The following ADGRB3 variants were observed in gnomAD, a reference collection of about 807,000 sequenced individuals.
ADGRB3 encodes brain-specific angiogenesis inhibitor 3.
ADGRB3 carries 37 observed loss-of-function variants against 193.4 expected under a neutral mutation model. That is an observed-to-expected ratio of 0.19 (90% CI 0.15 to 0.25). The LOEUF (loss-of-function observed/expected upper bound fraction) is 0.25. Ranked by LOEUF, ADGRB3 falls within the 10% of genes least tolerant of loss-of-function variation. ADGRB3 has a pLI of 1.00. For synonymous variants in ADGRB3, 690 were observed against 644.2 expected, an observed-to-expected ratio of 1.07 and a Z score of -1.08; for missense variants, 1,637 against 1,852.9, an observed-to-expected ratio of 0.88 and a Z score of 2.14.
intron 17 of ADGRB3, chr6:69,232,500 C>T: frequency 6.5e-7 from 1 of 1,535,346 alleles, no homozygotes; most frequent in Non-Finnish European, 8.7e-7. Context: ...GGTTATTCCT[C>T]TGAATGTTCT....
At chr6:69,339,176 TA>T (rs201719001) in intron 25 of ADGRB3, among the ~76,000 whole-genome samples, 156 bp from the exon 26 acceptor site, 346 of 146,986 alleles carry the variant, frequency 2.4e-3, no homozygotes, top group African/African-American at 2.8e-3. Context: ...GGATAGTATA[TA>T]AAAAAAAAAA....
intron 20 of ADGRB3, among the ~76,000 whole-genome samples, chr6:69,250,623 T>A (rs1647012350): frequency 6.6e-6 from 1 of 152,218 alleles, no homozygotes; most frequent in African/African-American, 2.4e-5. Flanking sequence ...GCAATGAAGA[T>A]GTGTCGGAGC....
At chr6:69,219,787 C>T (rs1765854379) in intron 17 of ADGRB3, among the ~76,000 whole-genome samples, 2 of 151,744 alleles carry the variant, frequency 1.3e-5, no homozygotes, top group African/African-American at 4.8e-5. Context: ...GCATTCTTAT[C>T]ACCAAGAAAT....
intron 17 of ADGRB3, among the ~76,000 whole-genome samples, chr6:69,146,865 C>T (rs1304903732): frequency 1.0e-5 from 1 of 98,110 alleles, no homozygotes; most frequent in East Asian, 3.4e-4. Context: ...TTTTGGACCT[C>T]TTCATGGTTT....
At chr6:68,783,274 C>T (rs1261150760) in intron 3 of ADGRB3, among the ~76,000 whole-genome samples, 1 of 145,972 alleles carries the variant, frequency 6.9e-6, no homozygotes, top group African/African-American at 2.5e-5. Flanking sequence ...CTAACACTGC[C>T]CTATATTGCC....
intron 3 of ADGRB3, among the ~76,000 whole-genome samples, chr6:68,681,613 T>C (rs1764898321): frequency 1.3e-5 from 2 of 152,156 alleles, no homozygotes; most frequent in Non-Finnish European, 2.9e-5. Flanking sequence ...AGGCACTTTT[T>C]TCTCAATATT....
intron 3 of ADGRB3, among the ~76,000 whole-genome samples, chr6:68,705,533 CTG>C (rs1482218421): frequency 1.3e-5 from 2 of 152,164 alleles, no homozygotes; most frequent in Admixed American, 1.3e-4. Context: ...GCTTCTAACT[CTG>C]TGTCTCACTC....
chr6:69,107,822 T>C (rs1024442731), intron 17 of ADGRB3, among the ~76,000 whole-genome samples: 2 of 152,082 alleles, frequency 1.3e-5, no homozygotes, highest in East Asian at 1.9e-4. Context: ...TTATCACTTA[T>C]AAGTGGGAGC....
At chr6:69,258,636 A>C (rs1296481430) in intron 20 of ADGRB3, among the ~76,000 whole-genome samples, 1 of 152,260 alleles carries the variant, frequency 6.6e-6, no homozygotes, top group African/African-American at 2.4e-5. Context: ...TCTTACAATG[A>C]AATGTTACAA....
chr6:68,717,528 G>T (rs1229034158), intron 3 of ADGRB3, among the ~76,000 whole-genome samples: 1 of 151,402 alleles, frequency 6.6e-6, no homozygotes, highest in Non-Finnish European at 1.5e-5. Flanking sequence ...GCAAGGTGAT[G>T]CATTTAGGGA....
intron 3 of ADGRB3, among the ~76,000 whole-genome samples, chr6:68,921,578 C>A (rs1212795229): frequency 1.3e-5 from 2 of 152,070 alleles, no homozygotes; most frequent in Non-Finnish European, 2.9e-5. Flanking sequence ...TTCCTCACAG[C>A]AAAACCACTT....
At chr6:69,012,857 A>T (rs559513387) in intron 11 of ADGRB3, among the ~76,000 whole-genome samples, 15 of 152,154 alleles carry the variant, frequency 9.9e-5, no homozygotes, top group African/African-American at 3.4e-4. Context: ...GAGAAGCTGG[A>T]TAGGGAGGAA....
intron 3 of ADGRB3, among the ~76,000 whole-genome samples, chr6:68,884,322 A>G (rs925996940): frequency 3.9e-5 from 6 of 152,206 alleles, no homozygotes; most frequent in Non-Finnish European, 5.9e-5. Flanking sequence ...CAAACATTAC[A>G]TAATTACACA....
At chr6:69,123,038 C>T (rs1464126020) in intron 17 of ADGRB3, among the ~76,000 whole-genome samples, 1 of 134,430 alleles carries the variant, frequency 7.4e-6, no homozygotes, top group Non-Finnish European at 1.6e-5. Context: ...GTGTTTGAAG[C>T]CAGCTTGGTT....
intron 3 of ADGRB3, among the ~76,000 whole-genome samples, chr6:68,756,158 G>A (rs1766295340): frequency 1.3e-5 from 2 of 151,868 alleles, no homozygotes; most frequent in Admixed American, 6.6e-5. Context: ...CAAATTAAGG[G>A]TAGAAGACAA....
chr6:69,358,602 C>T (rs759004169), intron 28 of ADGRB3, among the ~76,000 whole-genome samples: 1 of 151,908 alleles, frequency 6.6e-6, no homozygotes, highest in Non-Finnish European at 1.5e-5. Flanking sequence ...TATGTTGAAG[C>T]GTATTCATGA....
chr6:68,773,928 G>A (rs1258224702), intron 3 of ADGRB3, among the ~76,000 whole-genome samples: 3 of 152,100 alleles, frequency 2.0e-5, no homozygotes, highest in African/African-American at 7.2e-5. Context: ...GAAGCTTAAG[G>A]AGGGGCATGG....
At chr6:68,702,906 G>T (rs1480787248) in intron 3 of ADGRB3, among the ~76,000 whole-genome samples, 3 of 152,162 alleles carry the variant, frequency 2.0e-5, no homozygotes, top group Non-Finnish European at 4.4e-5. Flanking sequence ...TATGTGGCTA[G>T]AACTTGTACA....
At position 69,360,903 on chromosome 6, in the gene ADGRB3, C is replaced by A; in HGVS notation, c.3630C>A (p.Ala1210=). The A allele has an allele frequency of 6.2e-7, 1 of 1,610,690 alleles. No individual in the cohort carries two copies. Among genetic ancestry groups the A allele is most frequent in the Middle Eastern group, 1.7e-4 (1 of 6,036 alleles). The change falls in exon 29 of 32, where the codon GCC becomes GCA. Residue 1210 remains alanine (A), a synonymous_variant. Coordinates refer to ENST00000370598, the MANE Select transcript of ADGRB3 (RefSeq NM_001704.3). The part of the protein sequence containing the change: ...LHKDIGPCRA[A]TITGTLSRIS... ...AGGATATTGGTCCTTGCCGAGCAGC[C>A]ACAATAACAGGAACACTTTCTAGGA...
Sources: allele counts gnomAD v4.1 joint callset (sites outside exome capture counted in the v4.1 genomes callset), GRCh38; gene constraint gnomAD v4.1.1; transcripts MANE v1.5; gene names NCBI Gene and HGNC (gene_info 2026-07-23, HGNC 2026-07-21).